ZNF580: variants seen among roughly 807,000 people sequenced by gnomAD.
ZNF580 encodes the protein LDL-induced EC protein.
A neutral mutation model predicts 1.3 loss-of-function variants in ZNF580; 1 was observed. The ratio of observed to expected loss-of-function variants is 0.77; its 90% CI spans 0.27 to 3.65. The LOEUF (loss-of-function observed/expected upper bound fraction) is 3.65. Ranked by LOEUF, ZNF580 falls within the 30% of genes most tolerant of loss-of-function variation. ZNF580 has a pLI of 0.19. For missense variants in ZNF580, 268 were observed against 272.3 expected (o/e 0.98, Z 0.11); for synonymous variants, 135 against 128.8 (o/e 1.05, Z -0.32).
In ZNF580 at chr19:55,641,055, G is replaced by A; in HGVS notation, c.-141G>A. ...TCGCACCCCCGCGCCCCCAGTCCCC[G>A]CGTCCCCGGCGCCGCCGGCCCGGAG... On this transcript the variant is annotated 5_prime_UTR_variant, in exon 1 of 2. Coordinates refer to ENST00000325333, the MANE Select transcript of ZNF580 (RefSeq NM_207115.2). 2.0e-6 allele frequency: 2 copies of A among 985,202 alleles called. No individual in the cohort carries two copies. Among genetic ancestry groups the A allele is most frequent in the Non-Finnish European group, 2.4e-6 (2 of 829,842 alleles). The allele number at this position is 985,202 out of a possible 1,614,324, so 61.0% of individuals were successfully genotyped here.
In ZNF580 at chr19:55,643,152, GTTTC is replaced by G. The variant is rs750767686; in HGVS notation, c.*126_*129del. On this transcript the variant is annotated 3_prime_UTR_variant, in exon 2 of 2. Coordinates refer to ENST00000325333, the MANE Select transcript of ZNF580 (RefSeq NM_207115.2). ...GGTTACTGCCTTACCCTGGGCCTCA[GTTTC>G]CCCACCTTCCAAAGGGAGGAGCATC... is the stretch of plus-strand genomic sequence containing the variant. 1 of 1,262,320 alleles carries G rather than the reference GTTTC, an allele frequency of 7.9e-7. No individual in the cohort carries two copies. The highest frequency in any genetic ancestry group is 1.0e-6 in the Non-Finnish European group (1 of 993,388). 78.2% of individuals were successfully genotyped at this position (1,262,320 alleles called of 1,614,324 possible).
intron 1 of ZNF580, among the ~76,000 whole-genome samples, chr19:55,641,425 C>T (rs978408853): frequency 6.6e-6 from 1 of 152,162 alleles, no homozygotes; most frequent in African/African-American, 2.4e-5. Flanking sequence ...AACGCCCGGG[C>T]GCTGGGGTTC....
chr19:55,642,666 ACCT>A lies in ZNF580; in HGVS notation c.163_165del (p.Leu55del), dbSNP rs1982592510. The A allele has an allele frequency of 7.1e-7, 1 of 1,410,890 alleles. No homozygotes were observed. The highest frequency in any genetic ancestry group is 1.5e-5 in the South Asian group (1 of 65,020). The allele number at this position is 1,410,890 out of a possible 1,614,324, so 87.4% of individuals were successfully genotyped here. The stretch of plus-strand genomic sequence containing the variant: ...CCCCGACCCCCGCGGCTGGGCCGCC[ACCT>A]CCTCATCGACGCCAATGGGGTCCCC... On this transcript the variant is annotated inframe_deletion, in exon 2 of 2. Coordinates refer to ENST00000325333, the MANE Select transcript of ZNF580 (RefSeq NM_207115.2).
At position 55,643,141 on chromosome 19, in the gene ZNF580, C is replaced by T. The variant is rs1424300263; in HGVS notation, c.*114C>T. The T allele has an allele frequency of 2.5e-6, 3 of 1,192,262 alleles. No homozygotes were observed. Among genetic ancestry groups the T allele is most frequent in the Non-Finnish European group, 2.1e-6 (2 of 962,658 alleles). 73.9% of individuals were successfully genotyped at this position (1,192,262 alleles called of 1,614,324 possible). ...GGCTCTGCTGAGGTTACTGCCTTACCCTGGGCCTCAGTTTCCCCACCTTCC... is the reference window on the plus strand; with the variant it reads ...GGCTCTGCTGAGGTTACTGCCTTACTCTGGGCCTCAGTTTCCCCACCTTCC... On this transcript the variant is annotated 3_prime_UTR_variant, in exon 2 of 2. Transcript: ENST00000325333.
chr19:55,642,655 G>T lies in ZNF580; in HGVS notation c.147G>T (p.Arg49=). 1 of 1,424,026 alleles carries T rather than the reference G, an allele frequency of 7.0e-7. No individual in the cohort carries two copies. Among genetic ancestry groups the T allele is most frequent in the South Asian group, 1.5e-5 (1 of 66,048 alleles). 88.2% of individuals were successfully genotyped at this position (1,424,026 alleles called of 1,614,324 possible). A position where few individuals can be genotyped will look rare whatever the true frequency, so the allele number is the denominator to read the frequency against. The change falls in exon 2 of 2, where the codon CGG becomes CGT. Residue 49 remains arginine, a synonymous_variant. Transcript: ENST00000325333. Reference sequence around the variant, plus strand: ...CGGCGGCGGGGCCCCGACCCCCGCGGCTGGGCCGCCACCTCCTCATCGACG... The same window carrying T: ...CGGCGGCGGGGCCCCGACCCCCGCGTCTGGGCCGCCACCTCCTCATCGACG... ...PSSAAGPRPP[R]LGRHLLIDAN...
At chr19:55,642,116 G>C (rs532477868) in intron 1 of ZNF580, 1 of 1,007,200 alleles carries the variant, frequency 9.9e-7, no homozygotes, top group African/African-American at 1.7e-5. Flanking sequence ...AAATCTCGGC[G>C]GTCAGGAGGC....
At position 55,642,675 on chromosome 19, in the gene ZNF580, T is replaced by C; in HGVS notation, c.167T>C (p.Ile56Thr). The change falls in exon 2 of 2, where the codon ATC becomes ACC. Residue 56 changes from isoleucine to threonine, a missense_variant. This residue lies in a region of ZNF580 where 225 missense variants were observed against 201.7 expected (regional missense o/e 1.12). Transcript: ENST00000325333. ...RPPRLGRHLL[I>T]DANGVPYTYT... ...CCGCGGCTGGGCCGCCACCTCCTCA[T>C]CGACGCCAATGGGGTCCCCTACACA... 7.0e-7 allele frequency: 1 copy of C among 1,431,748 alleles called. No individual in the cohort carries two copies. The highest frequency in any genetic ancestry group is 9.2e-7 in the Non-Finnish European group (1 of 1,089,894). The allele number at this position is 1,431,748 out of a possible 1,614,324, so 88.7% of individuals were successfully genotyped here.
chr19:55,642,701 T>C lies in ZNF580; in HGVS notation c.193T>C (p.Tyr65His). 1 of 1,486,250 alleles carries C rather than the reference T, an allele frequency of 6.7e-7. No homozygotes were observed. The highest frequency in any genetic ancestry group is 8.9e-7 in the Non-Finnish European group (1 of 1,117,846). The allele number at this position is 1,486,250 out of a possible 1,614,324, so 92.1% of individuals were successfully genotyped here. ...LIDANGVPYT[Y>H]TVQLEEEPRG... ...CGACGCCAATGGGGTCCCCTACACA[T>C]ACACGGTGCAGCTGGAGGAGGAGCC... is the stretch of plus-strand genomic sequence containing the variant. Residue 65 changes from tyrosine (Y) to histidine (H), a missense_variant, in exon 2 of 2, where the codon TAC (tyrosine) becomes CAC (histidine). Coordinates refer to ENST00000325333, the MANE Select transcript of ZNF580 (RefSeq NM_207115.2).
In ZNF580 at chr19:55,643,213, A is replaced by G. The variant is rs1982643646; in HGVS notation, c.*186A>G. The G allele has an allele frequency of 9.2e-6, 10 of 1,086,802 alleles. No homozygotes were observed. In the East Asian group the frequency reaches 9.8e-5, roughly 11 times the overall value. 67.3% of individuals were successfully genotyped at this position (1,086,802 alleles called of 1,614,324 possible). A position where few individuals can be genotyped will look rare whatever the true frequency, so the allele number is the denominator to read the frequency against. On this transcript the variant is annotated 3_prime_UTR_variant, in exon 2 of 2. Transcript: ENST00000325333. ...TCCTTACCCCCTTTCTAGCTGTGTG[A>G]TGTAGACCAAAGTCGTTGCCCCTCC...
intron 1 of ZNF580, chr19:55,641,994 G>A: frequency 1.0e-6 from 1 of 974,362 alleles, no homozygotes; most frequent in Non-Finnish European, 1.2e-6. Flanking sequence ...GGGGACGGAG[G>A]GCCAGGAGGC....
intron 1 of ZNF580, chr19:55,641,765 A>C (rs1249591026): frequency 6.6e-6 from 1 of 152,130 alleles, no homozygotes; most frequent in Non-Finnish European, 1.5e-5. Context: ...ATACAGAAGG[A>C]AGGCATTTGA....
rs757796258 is a variant in ZNF580, at chr19:55,642,584, G to C, written c.76G>C (p.Ala26Pro). 2.3e-5 allele frequency: 33 copies of C among 1,448,036 alleles called. No homozygotes were observed. The highest frequency in any genetic ancestry group is 3.0e-5 in the Non-Finnish European group (33 of 1,100,266). 89.7% of individuals were successfully genotyped at this position (1,448,036 alleles called of 1,614,324 possible). Residue 26 changes from alanine (A) to proline (P), a missense_variant, in exon 2 of 2, where the codon GCT becomes CCT. By Grantham distance (27) the Ala-to-Pro change is conservative. Coordinates refer to ENST00000325333, the MANE Select transcript of ZNF580 (RefSeq NM_207115.2). ...PEAMDPPPPK[A>P]PPFPKAEGPS... Reference sequence around the variant, plus strand: ...GGCCATGGACCCACCGCCCCCCAAGGCTCCCCCTTTCCCCAAGGCGGAAGG... The same window carrying C: ...GGCCATGGACCCACCGCCCCCCAAGCCTCCCCCTTTCCCCAAGGCGGAAGG...
intron 1 of ZNF580, among the ~76,000 whole-genome samples, chr19:55,641,472 G>A (rs1982471752): frequency 6.6e-6 from 1 of 152,238 alleles, no homozygotes; most frequent in Non-Finnish European, 1.5e-5. Context: ...GAACGGGCGG[G>A]GGACCACGCT....
chr19:55,642,575 CCCCCCAAGGCTCCCCCTT>C lies in ZNF580; in HGVS notation c.68_85del (p.Pro23_Phe29delinsLeu). The C allele has an allele frequency of 6.9e-7, 1 of 1,446,982 alleles. No individual in the cohort carries two copies. Among genetic ancestry groups the C allele is most frequent in the Non-Finnish European group, 9.1e-7 (1 of 1,099,980 alleles). 89.6% of individuals were successfully genotyped at this position (1,446,982 alleles called of 1,614,324 possible). A position where few individuals can be genotyped will look rare whatever the true frequency, so the allele number is the denominator to read the frequency against. ...CTCTCCGGAGGCCATGGACCCACCG[CCCCCCAAGGCTCCCCCTT>C]TCCCCAAGGCGGAAGGCCCCTCCTC... On this transcript the variant is annotated inframe_deletion, in exon 2 of 2. Coordinates refer to ENST00000325333, the MANE Select transcript of ZNF580 (RefSeq NM_207115.2).
intron 1 of ZNF580, 22 bp from the exon 2 acceptor site, chr19:55,642,475 A>G: frequency 7.1e-7 from 1 of 1,407,496 alleles, no homozygotes; most frequent in South Asian, 1.7e-5. Context: ...ATTTTAACTA[A>G]TCTCCCCTCC....
chr19:55,643,193 A>C lies in ZNF580; in HGVS notation c.*166A>C. The C allele has an allele frequency of 8.6e-7, 1 of 1,166,448 alleles. No homozygotes were observed. Among genetic ancestry groups the C allele is most frequent in the Non-Finnish European group, 1.1e-6 (1 of 907,472 alleles). 72.3% of individuals were successfully genotyped at this position (1,166,448 alleles called of 1,614,324 possible). A position where few individuals can be genotyped will look rare whatever the true frequency, so the allele number is the denominator to read the frequency against. On this transcript the variant is annotated 3_prime_UTR_variant, in exon 2 of 2. Transcript: ENST00000325333. ...AAGGGAGGAGCATCATTCCTTCCTT[A>C]CCCCCTTTCTAGCTGTGTGATGTAG...
Position 55,642,855 on chromosome 19 carries a change from A to G in ZNF580, c.347A>G (p.Asp116Gly). 1 of 1,572,002 alleles carries G rather than the reference A, an allele frequency of 6.4e-7. No homozygotes were observed. Among genetic ancestry groups the G allele is most frequent in the Non-Finnish European group, 8.6e-7 (1 of 1,167,774 alleles). The part of the protein sequence containing the change: ...RLQSHRVSHS[D>G]LKPFTCGACG... Reference sequence around the variant, plus strand: ...CAGAGCCACCGCGTGTCGCACTCGGACCTCAAGCCCTTCACGTGCGGCGCC... The same window carrying G: ...CAGAGCCACCGCGTGTCGCACTCGGGCCTCAAGCCCTTCACGTGCGGCGCC... The change falls in exon 2 of 2, where the codon GAC (aspartate) becomes GGC (glycine). Residue 116 changes from aspartate to glycine, a missense_variant. By Grantham distance (94) the Asp-to-Gly change is moderately conservative. Transcript: ENST00000325333.
Position 55,642,732 on chromosome 19 carries a change from G to A in ZNF580, c.224G>A (p.Gly75Asp). Residue 75 changes from glycine (G) to aspartate (D), a missense_variant, in exon 2 of 2, where the codon GGC becomes GAC. Physicochemically the swap from Gly to Asp is moderately conservative, Grantham distance 94 (BLOSUM62 -1). Transcript: ENST00000325333. ...YTVQLEEEPR[G>D]PPQREAPPGE... ...GTGCAGCTGGAGGAGGAGCCCCGGG[G>A]CCCGCCCCAGCGCGAGGCGCCCCCA... 1 of 1,514,740 alleles carries A rather than the reference G, an allele frequency of 6.6e-7. No homozygotes were observed. Among genetic ancestry groups the A allele is most frequent in the African/African-American group, 1.4e-5 (1 of 70,472 alleles). 93.8% of individuals were successfully genotyped at this position (1,514,740 alleles called of 1,614,324 possible).
In ZNF580 at chr19:55,642,609, G is replaced by T. The variant is rs1982586048; in HGVS notation, c.101G>T (p.Gly34Val). ...PKAPPFPKAE[G>V]PSSTPSSAAG... ...GCTCCCCCTTTCCCCAAGGCGGAAG[G>T]CCCCTCCTCCACTCCTTCCTCGGCG... The change falls in exon 2 of 2, where the codon GGC becomes GTC. Residue 34 changes from glycine (G) to valine (V), a missense_variant. By Grantham distance (109) the Gly-to-Val change is moderately radical (BLOSUM62 -3). Around this residue, in one of 2 missense-constraint regions of ZNF580, gnomAD observed 225 missense variants for 201.7 expected, o/e 1.12. Transcript: ENST00000325333. The T allele has an allele frequency of 1.4e-6, 2 of 1,453,030 alleles. No individual in the cohort carries two copies. Among genetic ancestry groups the T allele is most frequent in the Non-Finnish European group, 1.8e-6 (2 of 1,103,584 alleles). 90.0% of individuals were successfully genotyped at this position (1,453,030 alleles called of 1,614,324 possible).
Sources: gnomAD v4.1 joint callset for allele counts (sites outside exome capture counted in the v4.1 genomes callset) on GRCh38, gnomAD v4.1.1 for gene constraint, gnomAD v4.1.1 regional missense constraint, MANE v1.5 for transcripts, NCBI Gene and HGNC (gene_info 2026-07-23, HGNC 2026-07-21) for gene names.